CDH8: variants seen among roughly 807,000 people sequenced by gnomAD.
CDH8 encodes the protein cadherin-8.
CDH8 carries 17 observed loss-of-function variants against 68.1 expected under a neutral mutation model. That is an observed-to-expected ratio of 0.25 (90% CI 0.17 to 0.37). The LOEUF (loss-of-function observed/expected upper bound fraction) is 0.37, where lower values mean the gene tolerates loss of function less well. Among genes scored for constraint, CDH8 ranks in the 10% least tolerant of loss-of-function variants. The probability of loss-of-function intolerance (pLI) is 1.00; values close to 1 mark genes in which losing one functional copy is unlikely to be tolerated. For missense variants in CDH8, 763 were observed against 999.3 expected (o/e 0.76, Z 3.19); for synonymous variants, 372 against 365.1 (o/e 1.02, Z -0.21).
intron 10 of CDH8, chr16:61,710,771 G>C (rs1476210336): frequency 1.7e-4 from 26 of 152,124 alleles, no homozygotes; most frequent in Admixed American, 1.7e-3. Flanking sequence ...TGTTCAGGCT[G>C]AGGAAGAGTA....
intron 8 of CDH8, among the ~76,000 whole-genome samples, chr16:61,762,071 A>G (rs1960484563): frequency 6.6e-6 from 1 of 152,280 alleles, no homozygotes; most frequent in African/African-American, 2.4e-5. Flanking sequence ...CATGAACTAA[A>G]GACGGGAGGT....
chr16:61,720,155 G>C (rs1219801259), intron 9 of CDH8, among the ~76,000 whole-genome samples: 2 of 150,842 alleles, frequency 1.3e-5, no homozygotes, highest in Non-Finnish European at 3.0e-5. Context: ...CTGTGTGAAG[G>C]TGTGTATCTA....
intron 4 of CDH8, among the ~76,000 whole-genome samples, chr16:61,843,595 A>G (rs1962734469): frequency 6.6e-6 from 1 of 152,146 alleles, no homozygotes; most frequent in East Asian, 1.9e-4. Flanking sequence ...TCCAAAACAC[A>G]TTGCTTCAAA....
At chr16:61,889,615 C>T (rs951981244) in intron 3 of CDH8, among the ~76,000 whole-genome samples, 4 of 152,250 alleles carry the variant, frequency 2.6e-5, no homozygotes, top group East Asian at 3.9e-4. Context: ...CCAGCAAATG[C>T]GGACAAAGGC....
chr16:61,929,373 A>G (rs753148874), intron 2 of CDH8, among the ~76,000 whole-genome samples: 1 of 152,066 alleles, frequency 6.6e-6, no homozygotes, highest in Non-Finnish European at 1.5e-5. Context: ...TCTCTTAACC[A>G]TGTGACCAAA....
chr16:61,776,972 C>T (rs1181031040), intron 8 of CDH8, among the ~76,000 whole-genome samples: 3 of 152,100 alleles, frequency 2.0e-5, no homozygotes, highest in East Asian at 1.9e-4. Flanking sequence ...AAACACATTA[C>T]CAATTTTATA....
intron 4 of CDH8, among the ~76,000 whole-genome samples, chr16:61,847,041 A>C (rs1962820708): frequency 1.3e-5 from 2 of 152,268 alleles, no homozygotes; most frequent in South Asian, 4.1e-4. Context: ...ATATATTCTA[A>C]GTTTTTAGAA....
intron 8 of CDH8, among the ~76,000 whole-genome samples, chr16:61,739,915 A>AT (rs1555506715): frequency 0.64 from 69,766 of 108,746 alleles, 21,878 homozygotes; most frequent in African/African-American, 0.71. Flanking sequence ...ATATATATGT[A>AT]TTTTTTTTTT....
At chr16:61,891,469 G>A (rs954651770) in intron 3 of CDH8, among the ~76,000 whole-genome samples, 1 of 152,060 alleles carries the variant, frequency 6.6e-6, no homozygotes, top group Admixed American at 6.6e-5. Flanking sequence ...TTCCCCGTTT[G>A]GATAATCTGG....
At chr16:61,870,594 AAAG>A (rs1305513900) in intron 3 of CDH8, among the ~76,000 whole-genome samples, 3 of 152,188 alleles carry the variant, frequency 2.0e-5, no homozygotes, top group African/African-American at 7.2e-5. Context: ...GATTTCCCCA[AAAG>A]TAGTATGTTA....
chr16:61,753,031 A>T (rs1386488437), intron 8 of CDH8, among the ~76,000 whole-genome samples: 1 of 152,192 alleles, frequency 6.6e-6, no homozygotes, highest in Non-Finnish European at 1.5e-5. Context: ...ACAAAAACAT[A>T]TGATGGACAA....
At chr16:61,714,656 A>C (rs747395273) in intron 9 of CDH8, among the ~76,000 whole-genome samples, 1 of 151,642 alleles carries the variant, frequency 6.6e-6, no homozygotes, top group South Asian at 2.1e-4. Context: ...GTAAAGCTGC[A>C]TTAACTTAAT....
intron 2 of CDH8, among the ~76,000 whole-genome samples, chr16:61,960,601 T>G (rs1391730451): frequency 6.6e-6 from 1 of 152,144 alleles, no homozygotes; most frequent in Non-Finnish European, 1.5e-5. Context: ...CTCTTGATGT[T>G]GAAAGAACTG....
intron 8 of CDH8, among the ~76,000 whole-genome samples, chr16:61,757,616 T>C (rs1220805291): frequency 6.6e-6 from 1 of 152,168 alleles, no homozygotes; most frequent in Non-Finnish European, 1.5e-5. Context: ...TGCTAATTTC[T>C]AAGCTCAAGT....
At chr16:61,926,181 G>GTA (rs1964454146) in intron 2 of CDH8, among the ~76,000 whole-genome samples, 1 of 151,728 alleles carries the variant, frequency 6.6e-6, no homozygotes. Flanking sequence ...GTGTGTGTGT[G>GTA]TGTGTGTGTG....
At chr16:61,719,472 A>G (rs1185167790) in intron 9 of CDH8, among the ~76,000 whole-genome samples, 1 of 150,730 alleles carries the variant, frequency 6.6e-6, no homozygotes, top group African/African-American at 2.4e-5. Context: ...TGCCTCTTGC[A>G]TTCTTTTGGT....
chr16:62,025,559 A>T (rs1176066171), intron 1 of CDH8, among the ~76,000 whole-genome samples: 1 of 152,070 alleles, frequency 6.6e-6, no homozygotes, highest in Non-Finnish European at 1.5e-5. Context: ...CTCAGGGGAA[A>T]CCTTTCATCC....
intron 4 of CDH8, among the ~76,000 whole-genome samples, chr16:61,826,965 G>T (rs1408280382): frequency 6.6e-6 from 1 of 151,902 alleles, no homozygotes; most frequent in East Asian, 2.0e-4. Flanking sequence ...TCATAATATA[G>T]CTTATAGGTC....
intron 10 of CDH8, among the ~76,000 whole-genome samples, chr16:61,687,393 A>G (rs1428091907): frequency 6.6e-6 from 1 of 151,978 alleles, no homozygotes; most frequent in African/African-American, 2.4e-5. Flanking sequence ...TTTGTAGACC[A>G]GGACACTGAG....
Sources: allele counts gnomAD v4.1 joint callset (sites outside exome capture counted in the v4.1 genomes callset), GRCh38; gene constraint gnomAD v4.1.1; transcripts MANE v1.5; gene names NCBI Gene and HGNC (gene_info 2026-07-23, HGNC 2026-07-21).